Variants in FAAH2 observed in about 807,000 individuals in gnomAD.
The protein encoded by FAAH2 is fatty acid amide hydrolase 2.
A neutral mutation model predicts 36.9 loss-of-function variants in FAAH2; 60 were observed. That is an observed-to-expected ratio of 1.63 (90% confidence interval 1.32 to 2.02). FAAH2 has a LOEUF of 2.02. FAAH2 is among the 30% of genes most tolerant of loss of function. The pLI is 0.00. For synonymous variants in FAAH2, 214 were observed against 143.8 expected, an observed-to-expected ratio of 1.49 and a Z score of -3.49; for missense variants, 689 against 397.5, an observed-to-expected ratio of 1.73 and a Z score of -6.23.
chrX:57,325,427 C>T (rs1365034204), intron 3 of FAAH2, among the ~76,000 whole-genome samples: 1 of 111,557 alleles, frequency 9.0e-6, no homozygotes, highest in Admixed American at 9.5e-5. Context: ...CCAGCTCCTT[C>T]TTGTACCTCT....
upstream of FAAH2, among the ~76,000 whole-genome samples, chrX:57,284,760 A>C (rs2051786854): frequency 8.9e-6 from 1 of 112,162 alleles, no homozygotes; most frequent in Non-Finnish European, 1.9e-5. Context: ...ATTGTAAAAA[A>C]AAAACAGAAG....
intron 5 of FAAH2, among the ~76,000 whole-genome samples, chrX:57,365,395 C>A (rs959701142): frequency 8.9e-6 from 1 of 111,970 alleles, no homozygotes; most frequent in African/African-American, 3.2e-5. Flanking sequence ...CCACTCTCTT[C>A]TGGTTTCTAA....
the FAAH2 span, among the ~76,000 whole-genome samples, chrX:57,209,516 C>A: frequency 9.0e-6 from 1 of 111,205 alleles, no homozygotes; most frequent in Non-Finnish European, 1.9e-5. Flanking sequence ...GATTCTGACC[C>A]ATGGTGCCCT....
At chrX:57,161,225 C>G in the FAAH2 span, among the ~76,000 whole-genome samples, 2 of 111,858 alleles carry the variant, frequency 1.8e-5, no homozygotes, top group African/African-American at 6.5e-5. Flanking sequence ...GTTTCAGAGA[C>G]AGTTTGTTAT....
At chrX:57,439,206 A>G (rs1168282083) in intron 8 of FAAH2, among the ~76,000 whole-genome samples, 1 of 109,122 alleles carries the variant, frequency 9.2e-6, no homozygotes, top group South Asian at 4.1e-4. Flanking sequence ...GAACTAGTTT[A>G]CGGTCCCACC....
the FAAH2 span, among the ~76,000 whole-genome samples, chrX:57,265,443 G>C: frequency 8.9e-6 from 1 of 111,816 alleles, no homozygotes; most frequent in African/African-American, 3.2e-5. Context: ...GGAGTTCCTA[G>C]GGGAAGGGGT....
the FAAH2 span, chrX:57,137,373 G>A: frequency 1.3e-6 from 1 of 753,071 alleles, no homozygotes; most frequent in African/African-American, 2.3e-5. Context: ...AGCGTGTGTA[G>A]GAGCGCGGCG....
rs60873866 is a variant in FAAH2 at position 57,334,268 on chromosome X, T to TCACACACACACACACACACACACACACA, written c.622+2464_622+2491dup. The stretch of plus-strand genomic sequence containing the variant: ...CTAGGTGACAGAGGGAGATTCCGTC[T>TCACACACACACACACACACACACACACA]CACACACACACACACACACACACAC... On this transcript the variant is annotated intron_variant, in intron 4 of 10. Coordinates refer to ENST00000374900, the MANE Select transcript of FAAH2 (RefSeq NM_174912.4). Among the ~76,000 whole-genome samples, 6 of 85,726 alleles carry TCACACACACACACACACACACACACACA rather than the reference T, an allele frequency of 7.0e-5. No homozygotes were observed. In the East Asian group the frequency reaches 1.2e-3, roughly 17 times the overall value. 74.4% of individuals were successfully genotyped at this position (85,726 alleles called of 115,157 possible).
the FAAH2 span, among the ~76,000 whole-genome samples, chrX:57,147,337 A>T: frequency 3.6e-5 from 4 of 111,225 alleles, no homozygotes; most frequent in African/African-American, 6.5e-5. Context: ...TAGGTTTTCT[A>T]GTTTATGCGC....
At chrX:57,391,304 A>G (rs888165664) in intron 7 of FAAH2, among the ~76,000 whole-genome samples, 1 of 111,477 alleles carries the variant, frequency 9.0e-6, no homozygotes, top group Non-Finnish European at 1.9e-5. Flanking sequence ...CCTTTGCTGT[A>G]CAGAAGCTAA....
At chrX:57,451,514 A>G (rs990404223) in intron 10 of FAAH2, among the ~76,000 whole-genome samples, 1 of 111,785 alleles carries the variant, frequency 8.9e-6, no homozygotes, top group African/African-American at 3.3e-5. Context: ...GAAGAAAACA[A>G]AGGAAGGCTT....
the FAAH2 span, among the ~76,000 whole-genome samples, chrX:57,195,683 A>G: frequency 8.9e-6 from 1 of 112,073 alleles, no homozygotes; most frequent in Admixed American, 9.4e-5. Flanking sequence ...TGCCTAAGCC[A>G]ATGTCTAGAA....
At chrX:57,350,268 G>T (rs1279721273) in intron 5 of FAAH2, among the ~76,000 whole-genome samples, 5 of 110,739 alleles carry the variant, frequency 4.5e-5, no homozygotes, top group Admixed American at 3.9e-4. Flanking sequence ...TCCTAAACAT[G>T]AAAGCAAAAG....
chrX:57,196,836 AC>A, the FAAH2 span, among the ~76,000 whole-genome samples: 1 of 111,231 alleles, frequency 9.0e-6, no homozygotes, highest in African/African-American at 3.3e-5. Flanking sequence ...ACTTTAGATA[AC>A]CTAGTGACAA....
At chrX:57,369,201 G>C (rs970497561) in intron 5 of FAAH2, among the ~76,000 whole-genome samples, 1 of 109,806 alleles carries the variant, frequency 9.1e-6, no homozygotes, top group Non-Finnish European at 1.9e-5. Context: ...ATGTAAAAGA[G>C]CAAATAATGT....
chrX:57,280,872 A>G, the FAAH2 span, among the ~76,000 whole-genome samples: 1 of 112,534 alleles, frequency 8.9e-6, no homozygotes, highest in Non-Finnish European at 1.9e-5. Flanking sequence ...CATCCATGTA[A>G]TGGAATACTA....
chrX:57,425,247 T>C (rs1007400335), intron 7 of FAAH2, among the ~76,000 whole-genome samples: 1 of 111,450 alleles, frequency 9.0e-6, no homozygotes, highest in African/African-American at 3.3e-5. Flanking sequence ...CTATGAATCG[T>C]AGGTATTCCC....
intron 10 of FAAH2, among the ~76,000 whole-genome samples, chrX:57,457,700 C>CA (rs142534517): frequency 0.37 from 31,543 of 86,134 alleles, 5,539 homozygotes; most frequent in African/African-American, 0.61. Flanking sequence ...ACAATAGCCA[C>CA]AAAAAAAAAA....
chrX:57,126,823 A>C, the FAAH2 span: 1 of 111,013 alleles, frequency 9.0e-6, no homozygotes, highest in Non-Finnish European at 1.9e-5. Flanking sequence ...AAGACTTCTG[A>C]AAAAAAAATC....
Sources: allele counts gnomAD v4.1 joint callset (sites outside exome capture counted in the v4.1 genomes callset), GRCh38; gene constraint gnomAD v4.1.1; transcripts MANE v1.5; gene names NCBI Gene and HGNC (gene_info 2026-07-23, HGNC 2026-07-21).